Variants in GRM8 observed in about 807,000 individuals in gnomAD.
The protein encoded by GRM8 is glutamate metabotropic receptor 8.
Under a neutral mutation model 87.2 loss-of-function variants are expected in GRM8, and 47 were observed. The ratio of observed to expected loss-of-function variants is 0.54; its 90% CI spans 0.43 to 0.69. GRM8 has a LOEUF of 0.69. Among genes scored for constraint, GRM8 ranks in the 30% least tolerant of loss-of-function variants. GRM8 has a pLI of 0.00. For synonymous variants in GRM8, 396 were observed against 404.5 expected, an observed-to-expected ratio of 0.98 and a Z score of 0.25; for missense variants, 1,019 against 1,139.2, an observed-to-expected ratio of 0.89 and a Z score of 1.52.
intron 7 of GRM8, among the ~76,000 whole-genome samples, chr7:126,615,540 T>C (rs976827088): frequency 1.3e-5 from 2 of 152,154 alleles, no homozygotes; most frequent in African/African-American, 4.8e-5. Context: ...ACCTTAAATA[T>C]AAATGGGCTA....
chr7:127,130,068 T>A (rs1013626313), intron 2 of GRM8, among the ~76,000 whole-genome samples: 1 of 152,100 alleles, frequency 6.6e-6, no homozygotes, highest in African/African-American at 2.4e-5. Flanking sequence ...AAGTGGCAGG[T>A]TCCCCTGCTC....
intron 9 of GRM8, among the ~76,000 whole-genome samples, chr7:126,507,051 C>A (rs1810588229): frequency 6.6e-6 from 1 of 151,796 alleles, no homozygotes; most frequent in African/African-American, 2.4e-5. Context: ...CACCTACAGC[C>A]AAATAAGTGG....
At chr7:127,106,800 C>G (rs557109932) in intron 2 of GRM8, 88 bp from the exon 3 acceptor site, 6 of 926,786 alleles carry the variant, frequency 6.5e-6, no homozygotes, top group Non-Finnish European at 1.1e-5. Flanking sequence ...CAAGGCTATA[C>G]CAGAAACCTA....
chr7:126,545,652 T>G (rs995822396), intron 8 of GRM8, among the ~76,000 whole-genome samples: 6 of 152,294 alleles, frequency 3.9e-5, no homozygotes, highest in African/African-American at 1.4e-4. Flanking sequence ...AAAATATGAC[T>G]TAAATGTTAT....
intron 3 of GRM8, among the ~76,000 whole-genome samples, chr7:126,993,705 T>C (rs1402317917): frequency 2.0e-5 from 3 of 152,126 alleles, no homozygotes; most frequent in Admixed American, 1.3e-4. Context: ...GGACTTTGCA[T>C]TGAACTGAGT....
intron 3 of GRM8, among the ~76,000 whole-genome samples, chr7:126,963,595 A>G (rs951368374): frequency 1.3e-5 from 2 of 152,188 alleles, no homozygotes; most frequent in African/African-American, 4.8e-5. Flanking sequence ...TAAAATACCT[A>G]GAAATACAAC....
intron 7 of GRM8, among the ~76,000 whole-genome samples, chr7:126,655,603 T>C (rs1277793063): frequency 6.6e-6 from 1 of 152,208 alleles, no homozygotes; most frequent in African/African-American, 2.4e-5. Context: ...ACCATGCTTA[T>C]CTCTGATGGA....
At chr7:127,100,559 A>C (rs1226850578) in intron 3 of GRM8, among the ~76,000 whole-genome samples, 1 of 152,244 alleles carries the variant, frequency 6.6e-6, no homozygotes, top group Non-Finnish European at 1.5e-5. Context: ...GGTTTAACTG[A>C]TTCACAGTTC....
chr7:126,554,193 A>G (rs1476605245), intron 8 of GRM8, among the ~76,000 whole-genome samples: 1 of 152,048 alleles, frequency 6.6e-6, no homozygotes, highest in Non-Finnish European at 1.5e-5. Flanking sequence ...AAATGTGTAA[A>G]TACAGACATA....
At chr7:126,922,807 C>T (rs1402297377) in intron 3 of GRM8, among the ~76,000 whole-genome samples, 1 of 152,052 alleles carries the variant, frequency 6.6e-6, no homozygotes, top group Non-Finnish European at 1.5e-5. Context: ...TGAGTTCTCA[C>T]AAGATCTGGT....
intron 2 of GRM8, among the ~76,000 whole-genome samples, chr7:127,142,979 C>T (rs557009348): frequency 7.9e-5 from 12 of 152,206 alleles, no homozygotes; most frequent in Admixed American, 4.6e-4. Context: ...TGCATCTTTC[C>T]ACCACTCCAA....
intron 6 of GRM8, among the ~76,000 whole-genome samples, chr7:126,810,474 T>C (rs1166669402): frequency 6.6e-6 from 1 of 152,152 alleles, no homozygotes; most frequent in Non-Finnish European, 1.5e-5. Context: ...CTCAGGACAA[T>C]AGCCACTGCT....
chr7:126,839,779 G>A (rs1482397478), intron 6 of GRM8, among the ~76,000 whole-genome samples: 3 of 152,066 alleles, frequency 2.0e-5, no homozygotes, highest in Non-Finnish European at 2.9e-5. Flanking sequence ...CAAAACTCTC[G>A]GCTCACCTGA....
At chr7:126,753,216 C>G (rs1816622937) in intron 7 of GRM8, among the ~76,000 whole-genome samples, 1 of 151,876 alleles carries the variant, frequency 6.6e-6, no homozygotes, top group Non-Finnish European at 1.5e-5. Flanking sequence ...ATCTAGTTCA[C>G]CTACCTAGTT....
intron 6 of GRM8, among the ~76,000 whole-genome samples, chr7:126,811,440 A>G (rs1793284573): frequency 6.6e-6 from 1 of 151,898 alleles, no homozygotes; most frequent in South Asian, 2.1e-4. Flanking sequence ...TGCATTGAAT[A>G]TATAGTTTTG....
chr7:127,233,943 G>A (rs1797841421), intron 2 of GRM8, among the ~76,000 whole-genome samples: 1 of 152,164 alleles, frequency 6.6e-6, no homozygotes. Context: ...GTAGACGCAG[G>A]TTGTGAGGAC....
chr7:126,704,789 A>C (rs1197487690), intron 7 of GRM8, among the ~76,000 whole-genome samples: 3 of 152,124 alleles, frequency 2.0e-5, no homozygotes, highest in Admixed American at 2.0e-4. Context: ...GTTGCTCTCA[A>C]ACCCTGTCTC....
At chr7:126,588,379 T>C (rs1174291562) in intron 8 of GRM8, among the ~76,000 whole-genome samples, 1 of 152,182 alleles carries the variant, frequency 6.6e-6, no homozygotes, top group Non-Finnish European at 1.5e-5. Flanking sequence ...TCACCCAGTG[T>C]GAAAAGCAGT....
chr7:126,759,978 T>C (rs1374275245), intron 7 of GRM8, among the ~76,000 whole-genome samples: 1 of 152,136 alleles, frequency 6.6e-6, no homozygotes, highest in Non-Finnish European at 1.5e-5. Flanking sequence ...AGTATAAAAT[T>C]TGTGTTTCTG....
Sources: allele counts gnomAD v4.1 joint callset (sites outside exome capture counted in the v4.1 genomes callset), GRCh38; gene constraint gnomAD v4.1.1; transcripts MANE v1.5; gene names NCBI Gene and HGNC (gene_info 2026-07-23, HGNC 2026-07-21).